Variants in OSBPL6 observed in about 807,000 individuals in gnomAD.
OSBPL6 encodes the protein oxysterol-binding protein-related protein 6.
A neutral mutation model predicts 125.8 loss-of-function variants in OSBPL6; 49 were observed. The observed-to-expected ratio is 0.39, with a 90% CI of 0.31 to 0.49. The LOEUF is 0.49. OSBPL6 is among the 20% of genes least tolerant of loss of function. OSBPL6 has a pLI of 0.88. For synonymous variants in OSBPL6, 394 were observed against 391.8 expected, an observed-to-expected ratio of 1.01 and a Z score of -0.07; for missense variants, 986 against 1,135.4, an observed-to-expected ratio of 0.87 and a Z score of 1.89.
intron 1 of OSBPL6, among the ~76,000 whole-genome samples, chr2:178,246,025 C>T (rs1284296939): frequency 6.6e-6 from 1 of 152,148 alleles, no homozygotes; most frequent in African/African-American, 2.4e-5. Context: ...TGGTAGCCTC[C>T]ATCTGGTCCC....
chr2:178,243,795 G>T (rs2153993224), intron 1 of OSBPL6, among the ~76,000 whole-genome samples: 1 of 152,236 alleles, frequency 6.6e-6, no homozygotes, highest in Admixed American at 6.5e-5. Flanking sequence ...TGGGATTACA[G>T]GTGCCTGCCA....
At chr2:178,347,148 C>T (rs1690796254) in intron 11 of OSBPL6, among the ~76,000 whole-genome samples, 2 of 152,130 alleles carry the variant, frequency 1.3e-5, no homozygotes, top group African/African-American at 4.8e-5. Context: ...CTGGGTCCTT[C>T]CTGGACTCCC....
chr2:178,391,713 C>G (rs1695420698), intron 22 of OSBPL6, among the ~76,000 whole-genome samples: 1 of 152,178 alleles, frequency 6.6e-6, no homozygotes, highest in South Asian at 2.1e-4. Context: ...CAAAAGAGTT[C>G]TGATAACACA....
At chr2:178,346,334 A>G (rs1008539068) in intron 11 of OSBPL6, among the ~76,000 whole-genome samples, 14 of 152,182 alleles carry the variant, frequency 9.2e-5, no homozygotes, top group African/African-American at 3.4e-4. Context: ...GACTTTTCCC[A>G]CTGGCTCGAT....
intron 11 of OSBPL6, among the ~76,000 whole-genome samples, chr2:178,347,247 C>T (rs970562587): frequency 6.6e-6 from 1 of 152,160 alleles, no homozygotes; most frequent in African/African-American, 2.4e-5. Flanking sequence ...AGAGACTCCT[C>T]TTCCAAGCCA....
At chr2:178,233,819 A>T (rs1219754166) in intron 1 of OSBPL6, among the ~76,000 whole-genome samples, 1 of 152,206 alleles carries the variant, frequency 6.6e-6, no homozygotes, top group African/African-American at 2.4e-5. Context: ...TCTACTTAGG[A>T]TGATGAGCTT....
intron 9 of OSBPL6, among the ~76,000 whole-genome samples, chr2:178,337,617 A>G (rs1689805547): frequency 1.3e-5 from 2 of 152,336 alleles, no homozygotes; most frequent in South Asian, 4.1e-4. Flanking sequence ...CTCATCTACC[A>G]TCTCAGTAAG....
chr2:178,287,104 C>G (rs1036631236), intron 2 of OSBPL6, among the ~76,000 whole-genome samples: 1 of 147,382 alleles, frequency 6.8e-6, no homozygotes, highest in South Asian at 2.1e-4. Flanking sequence ...CTAAACTCAA[C>G]GTGGGGAAAC....
intron 12 of OSBPL6, among the ~76,000 whole-genome samples, chr2:178,354,574 C>T (rs1691593131): frequency 6.6e-6 from 1 of 152,094 alleles, no homozygotes. Flanking sequence ...ACAGGAGCAC[C>T]CAGGTTCACA....
chr2:178,385,863 G>A (rs1434514946), intron 19 of OSBPL6, among the ~76,000 whole-genome samples: 3 of 152,174 alleles, frequency 2.0e-5, no homozygotes, highest in Non-Finnish European at 2.9e-5. Flanking sequence ...TCTTCGGGGT[G>A]TGCAAAGACA....
chr2:178,304,942 A>G (rs886374241), intron 2 of OSBPL6, among the ~76,000 whole-genome samples: 3 of 152,094 alleles, frequency 2.0e-5, no homozygotes, highest in Non-Finnish European at 2.9e-5. Flanking sequence ...CTGTCTTCAT[A>G]ATGCCCATAT....
intron 12 of OSBPL6, among the ~76,000 whole-genome samples, chr2:178,356,767 G>A (rs978236112): frequency 2.0e-5 from 3 of 152,216 alleles, no homozygotes; most frequent in African/African-American, 7.2e-5. Flanking sequence ...ACAAAAAAGA[G>A]CCTACATTGC....
intron 15 of OSBPL6, among the ~76,000 whole-genome samples, chr2:178,378,232 C>A (rs76586384): frequency 1.3e-5 from 2 of 152,116 alleles, no homozygotes; most frequent in Non-Finnish European, 2.9e-5. Context: ...TGTGTGTCTG[C>A]CCCACTAGAA....
intron 11 of OSBPL6, among the ~76,000 whole-genome samples, chr2:178,342,136 C>A (rs1328224220): frequency 6.6e-6 from 1 of 152,146 alleles, no homozygotes; most frequent in Non-Finnish European, 1.5e-5. Flanking sequence ...CAATGATCAT[C>A]TCACCACTCA....
chr2:178,285,315 A>G, intron 2 of OSBPL6, among the ~76,000 whole-genome samples, 194 bp downstream of exon 2: 1 of 152,214 alleles, frequency 6.6e-6, no homozygotes, highest in East Asian at 1.9e-4. Context: ...TAAGGATAGG[A>G]AGTAGAAAAA....
chr2:178,225,606 C>T (rs1007851908), intron 1 of OSBPL6, among the ~76,000 whole-genome samples: 29 of 152,106 alleles, frequency 1.9e-4, no homozygotes, highest in African/African-American at 6.3e-4. Context: ...AAGACATACC[C>T]GAGACTGGGC....
chr2:178,201,937 ATAG>A (rs2089282961), intron 1 of OSBPL6, among the ~76,000 whole-genome samples: 1 of 152,246 alleles, frequency 6.6e-6, no homozygotes, highest in Non-Finnish European at 1.5e-5. Context: ...ATCAAGTCAC[ATAG>A]TAGGCTCATA....
At chr2:178,378,137 C>T (rs1292473280) in intron 15 of OSBPL6, among the ~76,000 whole-genome samples, 1 of 152,094 alleles carries the variant, frequency 6.6e-6, no homozygotes, top group African/African-American at 2.4e-5. Context: ...CCTCCTCTGA[C>T]CTTTTGTATC....
At chr2:178,316,924 G>C (rs967349966) in intron 3 of OSBPL6, among the ~76,000 whole-genome samples, 1 of 151,870 alleles carries the variant, frequency 6.6e-6, no homozygotes, top group Non-Finnish European at 1.5e-5. Flanking sequence ...AAACAAAAAG[G>C]CTATTAAATT....
Sources: allele counts gnomAD v4.1 joint callset (sites outside exome capture counted in the v4.1 genomes callset), GRCh38; gene constraint gnomAD v4.1.1; transcripts MANE v1.5; gene names NCBI Gene and HGNC (gene_info 2026-07-23, HGNC 2026-07-21).